The following GATB variants were observed in gnomAD, a reference collection of about 807,000 sequenced individuals.
GATB encodes glutamyl-tRNA amidotransferase subunit B.
Under a neutral mutation model 62.3 loss-of-function variants are expected in GATB, and 39 were observed. The ratio of observed to expected loss-of-function variants is 0.63; its 90% confidence interval spans 0.48 to 0.82. GATB has a LOEUF of 0.82. Ranked by LOEUF, GATB falls within the 40% of genes least tolerant of loss-of-function variation. The pLI, the probability that GATB is intolerant of heterozygous loss-of-function variation, is 0.00. For missense variants in GATB, 670 were observed against 684.0 expected (o/e 0.98, Z 0.23); for synonymous variants, 276 against 258.9 (o/e 1.07, Z -0.63).
intron 2 of GATB, among the ~76,000 whole-genome samples, chr4:151,756,123 A>C (rs890173039): frequency 6.6e-6 from 1 of 152,236 alleles, no homozygotes; most frequent in African/African-American, 2.4e-5. Flanking sequence ...GCGGGGAAGA[A>C]GCAGGAGAGA....
intron 2 of GATB, among the ~76,000 whole-genome samples, chr4:151,728,315 C>T (rs910741630): frequency 6.6e-6 from 1 of 152,172 alleles, no homozygotes; most frequent in Non-Finnish European, 1.5e-5. Context: ...GTCTTCTAAG[C>T]TAGTAGCTAC....
rs1452839920 is a variant in GATB at position 151,670,923 on chromosome 4, G to A, written c.*251C>T. Reference sequence around the variant, plus strand: ...AAGAAGGTGTTACTCCTTAACCACTGCTGCAGCCTCACCGGACCCTCCTGA... The same window carrying A: ...AAGAAGGTGTTACTCCTTAACCACTACTGCAGCCTCACCGGACCCTCCTGA... On this transcript the variant is annotated 3_prime_UTR_variant, in exon 13 of 13. Transcript: ENST00000263985. 2 of 456,802 alleles carry A rather than the reference G, an allele frequency of 4.4e-6. No individual in the cohort carries two copies. Among genetic ancestry groups the A allele is most frequent in the Non-Finnish European group, 7.8e-6 (2 of 255,214 alleles). The allele number at this position is 456,802 out of a possible 1,614,324, so 28.3% of individuals were successfully genotyped here.
chr4:151,686,053 A>AAAAAC (rs1317596545), intron 10 of GATB, among the ~76,000 whole-genome samples: 1 of 127,766 alleles, frequency 7.8e-6, no homozygotes, highest in Non-Finnish European at 1.6e-5. Context: ...ACTCTGTCTA[A>AAAAAC]AAAACAAAAC....
intron 2 of GATB, among the ~76,000 whole-genome samples, chr4:151,756,157 A>G (rs1739824435): frequency 6.6e-6 from 1 of 152,218 alleles, no homozygotes; most frequent in Non-Finnish European, 1.5e-5. Context: ...AGCCCTGCGC[A>G]GAAAGAGTTT....
intron 2 of GATB, among the ~76,000 whole-genome samples, chr4:151,733,781 A>G (rs1739315482): frequency 6.6e-6 from 1 of 152,246 alleles, no homozygotes; most frequent in South Asian, 2.1e-4. Flanking sequence ...CCAGGGATGC[A>G]GAATTGGTTT....
Position 151,758,798 on chromosome 4 carries a change from CA to C in GATB, c.300del (p.Phe100LeufsTer17). 6 of 1,599,322 alleles carry C rather than the reference CA, an allele frequency of 3.8e-6. No individual in the cohort carries two copies. The Admixed American group carries it at 6.8e-5, about 18-fold the overall frequency. On this transcript the variant is annotated frameshift_variant, in exon 2 of 13. Coordinates refer to ENST00000263985, the MANE Select transcript of GATB (RefSeq NM_004564.3). LOFTEE classifies it high-confidence loss of function. ...SAPPNSLVSF[F>X]DASLPGTLPV... ...GGCAAAGTTCCAGGTAGAGATGCATCAAAAAAAGAAACCAAAGAATTTGGAG... is the reference window on the plus strand; with the variant it reads ...GGCAAAGTTCCAGGTAGAGATGCATCAAAAAAGAAACCAAAGAATTTGGAG...
At chr4:151,690,267 A>G (rs1208801722) in intron 9 of GATB, among the ~76,000 whole-genome samples, 1 of 152,244 alleles carries the variant, frequency 6.6e-6, no homozygotes, top group East Asian at 1.9e-4. Flanking sequence ...TGTAACAGAT[A>G]AATTCTCTGG....
At chr4:151,704,613 C>T (rs995884871) in intron 7 of GATB, among the ~76,000 whole-genome samples, 1 of 151,628 alleles carries the variant, frequency 6.6e-6, no homozygotes, top group African/African-American at 2.4e-5. Flanking sequence ...GCCACCACAC[C>T]TGGCTAATTT....
intron 2 of GATB, among the ~76,000 whole-genome samples, chr4:151,733,669 ATCC>A (rs1208507104): frequency 1.3e-5 from 2 of 152,114 alleles, no homozygotes; most frequent in Non-Finnish European, 2.9e-5. Flanking sequence ...AAAAGAATAT[ATCC>A]TCGATGAATG....
chr4:151,694,363 C>G lies in GATB; in HGVS notation c.1198-5600G>C, dbSNP rs372037561. Reference sequence around the variant, plus strand: ...CTGGGCAGGATCCTGAGGTGTCACACGGCTCTGAGCCCAGAGCATCTTCCC... The same window carrying G: ...CTGGGCAGGATCCTGAGGTGTCACAGGGCTCTGAGCCCAGAGCATCTTCCC... On this transcript the variant is annotated intron_variant, in intron 9 of 12. Transcript: ENST00000263985. Among the ~76,000 whole-genome samples, 24 of 152,296 alleles carry G rather than the reference C, an allele frequency of 1.6e-4. No homozygotes were observed. The South Asian group carries it at 2.9e-3, about 18-fold the overall frequency.
At chr4:151,698,339 G>A (rs1738530441) in intron 9 of GATB, among the ~76,000 whole-genome samples, 1 of 152,128 alleles carries the variant, frequency 6.6e-6, no homozygotes, top group Admixed American at 6.5e-5. Flanking sequence ...ATAAATTAAA[G>A]ACTAGAGTTA....
At chr4:151,714,355 AG>A (rs1213435303) in intron 5 of GATB, among the ~76,000 whole-genome samples, 2 of 152,180 alleles carry the variant, frequency 1.3e-5, no homozygotes, top group African/African-American at 4.8e-5. Flanking sequence ...AAGGGGTGGG[AG>A]GAGGGACAGA....
Position 151,749,614 on chromosome 4 carries a change from G to A in GATB, c.327+9158C>T, listed in dbSNP as rs530192019. On this transcript the variant is annotated intron_variant, in intron 2 of 12. Transcript: ENST00000263985. ...TAACAAACCTGCACGTTGTGCACACGTACCCTAGAACTTCAAGTATAATTA... is the reference window on the plus strand; with the variant it reads ...TAACAAACCTGCACGTTGTGCACACATACCCTAGAACTTCAAGTATAATTA... Among the ~76,000 whole-genome samples the A allele has an allele frequency of 7.8e-4, 112 of 143,132 alleles. 2 individuals carry two copies. The highest frequency in any genetic ancestry group is 3.0e-3 in the African/African-American group (108 of 35,886). 93.9% of individuals were successfully genotyped at this position (143,132 alleles called of 152,430 possible). A position where few individuals can be genotyped will look rare whatever the true frequency, so the allele number is the denominator to read the frequency against.
chr4:151,737,697 G>T (rs1739405956), intron 2 of GATB, among the ~76,000 whole-genome samples: 1 of 152,164 alleles, frequency 6.6e-6, no homozygotes, highest in African/African-American at 2.4e-5. Context: ...GGCCCAGGGT[G>T]CCCCTGCTGT....
chr4:151,702,763 T>C (rs1738631638), intron 8 of GATB, among the ~76,000 whole-genome samples: 1 of 152,206 alleles, frequency 6.6e-6, no homozygotes, highest in African/African-American at 2.4e-5. Flanking sequence ...CCAGCACTAA[T>C]GGTTACTCTC....
chr4:151,750,912 G>A (rs562195975), intron 2 of GATB, among the ~76,000 whole-genome samples: 36 of 151,866 alleles, frequency 2.4e-4, no homozygotes, highest in Non-Finnish European at 4.7e-4. Context: ...GGGATTACAG[G>A]CACGAGCCAC....
At chr4:151,748,223 A>C (rs1244356632) in intron 2 of GATB, among the ~76,000 whole-genome samples, 3 of 152,228 alleles carry the variant, frequency 2.0e-5, no homozygotes, top group Admixed American at 1.3e-4. Context: ...CTAAGCCAAA[A>C]GAACAAAGCT....
At chr4:151,703,699 A>C in intron 8 of GATB, 152 bp downstream of exon 8, 1 of 677,534 alleles carries the variant, frequency 1.5e-6, no homozygotes, top group South Asian at 1.7e-5. Context: ...TATGCATATC[A>C]AAGAGGAAGT....
In GATB at chr4:151,731,008, T is replaced by C. The variant is rs1047719487; in HGVS notation, c.328-11470A>G. Among the ~76,000 whole-genome samples the C allele has an allele frequency of 7.9e-5, 12 of 152,232 alleles. No individual in the cohort carries two copies. In the East Asian group the frequency reaches 2.3e-3, roughly 29 times the overall value. Reference sequence around the variant, plus strand: ...GGGACCAGAGAAAGGCGAAGCCCAATGCAAGGAAATCCAAAATATGATACA... The same window carrying C: ...GGGACCAGAGAAAGGCGAAGCCCAACGCAAGGAAATCCAAAATATGATACA... On this transcript the variant is annotated intron_variant, in intron 2 of 12. Transcript: ENST00000263985.
Sources: allele counts gnomAD v4.1 joint callset (sites outside exome capture counted in the v4.1 genomes callset), GRCh38; gene constraint gnomAD v4.1.1; transcripts MANE v1.5; gene names NCBI Gene and HGNC (gene_info 2026-07-23, HGNC 2026-07-21).